Variants in CCNJL observed in about 807,000 individuals in gnomAD.
The protein encoded by CCNJL is cyclin J like, also known as cyclin-J-like protein.
In CCNJL, 33 loss-of-function variants were observed where a neutral mutation model predicts 33.4. The observed-to-expected ratio is 0.99, with a 90% CI of 0.75 to 1.32. CCNJL has a LOEUF of 1.32. Ranked by LOEUF, CCNJL falls within the 40% of genes most tolerant of loss-of-function variation. The pLI, the probability that CCNJL is intolerant of heterozygous loss-of-function variation, is 0.00. For synonymous variants in CCNJL, 227 were observed against 220.9 expected (o/e 1.03, Z -0.24); for missense variants, 512 against 499.7 (o/e 1.02, Z -0.23).
chr5:160,276,982 AG>A (rs1400579081), intron 3 of CCNJL, among the ~76,000 whole-genome samples: 5 of 152,018 alleles, frequency 3.3e-5, no homozygotes, highest in Non-Finnish European at 7.4e-5. Context: ...TAGTAGAGAC[AG>A]GGTTTCTCCA....
At chr5:160,284,218 G>A (rs1580984757) in intron 2 of CCNJL, among the ~76,000 whole-genome samples, 1 of 152,080 alleles carries the variant, frequency 6.6e-6, no homozygotes, top group South Asian at 2.1e-4. Flanking sequence ...CTGTTGTGGT[G>A]GTGAGTGCCT....
chr5:160,322,799 C>T (rs1763487741), intron 1 of CCNJL, among the ~76,000 whole-genome samples: 1 of 151,390 alleles, frequency 6.6e-6, no homozygotes, highest in African/African-American at 2.4e-5. Context: ...GTCCCAGCTA[C>T]TTGGGAGGCT....
intron 2 of CCNJL, 87 bp from the exon 3 acceptor site, chr5:160,280,825 G>C: frequency 1.1e-6 from 1 of 891,750 alleles, no homozygotes; most frequent in South Asian, 1.4e-5. Context: ...CTCAGGGCCT[G>C]AATGGGAGGC....
upstream of CCNJL, among the ~76,000 whole-genome samples, chr5:160,316,001 G>A (rs1182106064): frequency 6.6e-6 from 1 of 152,172 alleles, no homozygotes; most frequent in Non-Finnish European, 1.5e-5. Context: ...GAAAGCAGAA[G>A]CTTTGGGCTT....
intron 1 of CCNJL, chr5:160,339,305 CAG>C (rs1176899523): frequency 9.2e-6 from 2 of 218,118 alleles, no homozygotes; most frequent in Non-Finnish European, 1.8e-5. Context: ...GTATAATTGC[CAG>C]AGTGAAAGTG....
intron 3 of CCNJL, among the ~76,000 whole-genome samples, chr5:160,267,466 G>C (rs544508788): frequency 7.9e-5 from 12 of 152,172 alleles, no homozygotes; most frequent in Non-Finnish European, 1.6e-4. Context: ...ACCTAGCACA[G>C]CCTCTAGCAT....
upstream of CCNJL, among the ~76,000 whole-genome samples, chr5:160,314,492 C>T (rs1022388390): frequency 2.0e-5 from 3 of 152,082 alleles, no homozygotes; most frequent in Admixed American, 6.5e-5. Context: ...ACAAGCAAAT[C>T]ACAAGAGGAT....
At chr5:160,292,795 A>G (rs1337059569) in intron 2 of CCNJL, among the ~76,000 whole-genome samples, 1 of 152,194 alleles carries the variant, frequency 6.6e-6, no homozygotes, top group Non-Finnish European at 1.5e-5. Flanking sequence ...TAATTCTCCA[A>G]CAGACCCACA....
At chr5:160,270,168 G>C (rs1184341789) in intron 3 of CCNJL, among the ~76,000 whole-genome samples, 7 of 152,116 alleles carry the variant, frequency 4.6e-5, no homozygotes, top group Admixed American at 3.9e-4. Context: ...AAAAGTCTGG[G>C]CGCAGTGGCT....
At position 160,311,938 on chromosome 5, in the gene CCNJL, C is replaced by T. The variant is rs765401312; in HGVS notation, c.-15G>A. 6 of 1,613,892 alleles carry T rather than the reference C, an allele frequency of 3.7e-6. No homozygotes were observed. In the Admixed American group the frequency reaches 8.3e-5, roughly 22 times the overall value. On this transcript the variant is annotated 5_prime_UTR_variant, in exon 2 of 6. Transcript: ENST00000257536. ...TCATCCATCATCGCGTACGCAGCGC[C>T]GCTATCCGAGGCTACCCGGCTCTCA...
chr5:160,313,918 A>G (rs1394352652), upstream of CCNJL, among the ~76,000 whole-genome samples: 1 of 152,224 alleles, frequency 6.6e-6, no homozygotes, highest in Admixed American at 6.5e-5. Context: ...TGTAATCCCA[A>G]CACTTTGGGA....
At chr5:160,292,666 G>GTA (rs958750057) in intron 2 of CCNJL, among the ~76,000 whole-genome samples, 56 of 139,048 alleles carry the variant, frequency 4.0e-4, no homozygotes, top group Middle Eastern at 3.5e-3. Context: ...ACATGTGTGT[G>GTA]TATATATATA....
At position 160,250,726 on chromosome 5, in the gene CCNJL, T is replaced by C. The variant is rs1474257988; in HGVS notation, c.*2652A>G. The C allele has an allele frequency of 6.6e-6, 1 of 152,252 alleles. No homozygotes were observed. The highest frequency in any genetic ancestry group is 1.9e-4 in the East Asian group (1 of 5,208). The allele number at this position is 152,252 out of a possible 1,614,324, so 9.4% of individuals were successfully genotyped here. A position where few individuals can be genotyped will look rare whatever the true frequency, so the allele number is the denominator to read the frequency against. ...AAATCAGAATGCAACATATAATCAA[T>C]GGTATCTTGCAAACTGCCTCATGAT... On this transcript the variant is annotated 3_prime_UTR_variant, in exon 6 of 6. Transcript: ENST00000257536.
intron 1 of CCNJL, among the ~76,000 whole-genome samples, chr5:160,332,193 C>T (rs531607910): frequency 6.6e-6 from 1 of 152,282 alleles, no homozygotes; most frequent in African/African-American, 2.4e-5. Context: ...TCCCACACCA[C>T]ACCTCTGCCT....
chr5:160,253,903 C>T, intron 5 of CCNJL, 105 bp from the exon 6 acceptor site: 1 of 825,870 alleles, frequency 1.2e-6, no homozygotes, highest in Non-Finnish European at 1.8e-6. Flanking sequence ...ATGCGTGTGT[C>T]CTGTGTCCAC....
intron 2 of CCNJL, 36 bp from the exon 3 acceptor site, chr5:160,280,774 G>A: frequency 7.1e-7 from 1 of 1,413,022 alleles, no homozygotes; most frequent in Non-Finnish European, 9.8e-7. Flanking sequence ...TGACGGTCAG[G>A]GCTGCCTCCT....
chr5:160,276,775 T>C lies in CCNJL; in HGVS notation c.280+3750A>G, dbSNP rs188714631. On this transcript the variant is annotated intron_variant, in intron 3 of 5. Coordinates refer to ENST00000257536, the MANE Select transcript of CCNJL (RefSeq NM_001308173.3). ...CCTGAATTTTATGTTGTGGCATGAA[T>C]TTTATCTCTCTTTTTTTTTCTTTTT... Among the ~76,000 whole-genome samples the C allele has an allele frequency of 7.8e-3, 1,134 of 146,186 alleles. 7 individuals carry two copies. Among genetic ancestry groups the C allele is most frequent in the South Asian group, 0.032 (142 of 4,404 alleles).
At chr5:160,258,410 AGAACCTT>A in intron 4 of CCNJL, 1 of 868,686 alleles carries the variant, frequency 1.2e-6, no homozygotes, top group Non-Finnish European at 2.0e-6. Flanking sequence ...AGGCTTCCTG[AGAACCTT>A]TATAATGACA....
At chr5:160,314,266 A>G (rs752434563), upstream of CCNJL, among the ~76,000 whole-genome samples, 21 of 152,266 alleles carry the variant, frequency 1.4e-4, no homozygotes, top group Non-Finnish European at 2.6e-4. Context: ...TAGTGTTCAC[A>G]CAAGAATGGA....
Sources: allele counts gnomAD v4.1 joint callset (sites outside exome capture counted in the v4.1 genomes callset), GRCh38; gene constraint gnomAD v4.1.1; transcripts MANE v1.5; gene names NCBI Gene and HGNC (gene_info 2026-07-23, HGNC 2026-07-21).